Variants in PIK3CG observed in about 807,000 individuals in gnomAD.
The protein encoded by PIK3CG is phosphatidylinositol-4,5-bisphosphate 3-kinase catalytic subunit gamma.
Under a neutral mutation model 102.3 loss-of-function variants are expected in PIK3CG, and 55 were observed. The ratio of observed to expected loss-of-function variants is 0.54; its 90% CI spans 0.43 to 0.67. The LOEUF (loss-of-function observed/expected upper bound fraction) is 0.67, where lower values mean the gene tolerates loss of function less well. Among genes scored for constraint, PIK3CG ranks in the 30% least tolerant of loss-of-function variants. PIK3CG has a pLI of 0.00. For missense variants in PIK3CG, 1,258 were observed against 1,391.8 expected (o/e 0.90, Z 1.53); for synonymous variants, 552 against 540.0 (o/e 1.02, Z -0.31).
intron 10 of PIK3CG, among the ~76,000 whole-genome samples, chr7:106,896,779 T>C (rs1791420845): frequency 6.6e-6 from 1 of 152,160 alleles, no homozygotes; most frequent in South Asian, 2.1e-4. Flanking sequence ...GCCTCCATGC[T>C]GGGCGCTTTA....
At position 106,883,674 on chromosome 7, in the gene PIK3CG, G is replaced by A. The variant is rs940854165; in HGVS notation, c.2761-481G>A. Among the ~76,000 whole-genome samples the A allele has an allele frequency of 7.2e-5, 11 of 152,282 alleles. No individual in the cohort carries two copies. Among genetic ancestry groups the A allele is most frequent in the South Asian group, 4.1e-4 (2 of 4,828 alleles). ...GCTGTGTTTTAGCTGTTTGGCTGTC[G>A]TTTAAAGTTCTGCTGCACAGGATTA... On this transcript the variant is annotated intron_variant, in intron 8 of 10. Coordinates refer to ENST00000496166, the MANE Select transcript of PIK3CG (RefSeq NM_001282426.2). The surrounding 1 kb of genome is among the most constrained non-coding windows in gnomAD (Gnocchi z 5.8).
rs747362889 is a variant in PIK3CG, at chr7:106,872,662, GA to G, written c.2062-50del. 6.3e-7 allele frequency: 1 copy of G among 1,589,770 alleles called. No homozygotes were observed. Among genetic ancestry groups the G allele is most frequent in the South Asian group, 1.1e-5 (1 of 90,610 alleles). The stretch of plus-strand genomic sequence containing the variant: ...TTAAGTTGCCAAGAATTAACTGGTA[GA>G]CCTAAAGCATTAGTCATAATAATTT... On this transcript the variant is annotated intron_variant, in intron 3 of 10. Coordinates refer to ENST00000496166, the MANE Select transcript of PIK3CG (RefSeq NM_001282426.2). This position sits in a 1 kb window ranked among gnomAD's most constrained non-coding sequence, Gnocchi z 5.3.
chr7:106,905,163 A>G lies in PIK3CG; in HGVS notation c.3085A>G (p.Ile1029Val), dbSNP rs754657817. Reference sequence around the variant, plus strand: ...TCGTCATCACACAAACCTACTGATCATCCTGTTCTCCATGATGCTGATGAC... The same window carrying G: ...TCGTCATCACACAAACCTACTGATCGTCCTGTTCTCCATGATGCTGATGAC... ...ALRHHTNLLI[I>V]LFSMMLMTGM... Residue 1029 changes from isoleucine to valine, a missense_variant, in exon 11 of 11, where the codon ATC becomes GTC. Coordinates refer to ENST00000496166, the MANE Select transcript of PIK3CG (RefSeq NM_001282426.2). The surrounding 1 kb of genome is among the most constrained non-coding windows in gnomAD (Gnocchi z 5.6). 2.5e-6 allele frequency: 4 copies of G among 1,613,910 alleles called. No homozygotes were observed. In the African/African-American group the frequency reaches 4.0e-5, roughly 16 times the overall value.
intron 10 of PIK3CG, among the ~76,000 whole-genome samples, chr7:106,900,738 G>T (rs1791526771): frequency 6.6e-6 from 1 of 152,190 alleles, no homozygotes; most frequent in Admixed American, 6.5e-5. Flanking sequence ...AAGGTCTCTT[G>T]TAAGGCAGGT....
Position 106,868,561 on chromosome 7 carries a change from G to A in PIK3CG, c.1000G>A (p.Gly334Ser), listed in dbSNP as rs201525740. 1.7e-5 allele frequency: 28 copies of A among 1,613,966 alleles called. No individual in the cohort carries two copies. Among genetic ancestry groups the A allele is most frequent in the Admixed American group, 6.7e-5 (4 of 60,014 alleles). The change falls in exon 2 of 11, where the codon GGC (glycine) becomes AGC (serine). Residue 334 changes from glycine to serine, a missense_variant. By Grantham distance (56) the Gly-to-Ser change is moderately conservative (BLOSUM62 0). Coordinates refer to ENST00000496166, the MANE Select transcript of PIK3CG (RefSeq NM_001282426.2). This position sits in a 1 kb window ranked among gnomAD's most constrained non-coding sequence, Gnocchi z 6.2. ...PLVDDCTGVT[G>S]YHEQLTIHGK... The stretch of plus-strand genomic sequence containing the variant: ...GGTGGATGACTGCACGGGAGTCACC[G>A]GCTACCATGAGCAGCTTACCATCCA...
chr7:106,901,197 C>T (rs745599203), intron 10 of PIK3CG, among the ~76,000 whole-genome samples: 13 of 151,040 alleles, frequency 8.6e-5, no homozygotes, highest in South Asian at 2.1e-4. Flanking sequence ...GCCAGTGATT[C>T]GTAGATTTGG....
In PIK3CG at chr7:106,894,252, A is replaced by G. The variant is rs1791344604; in HGVS notation, c.3030+7960A>G. Among the ~76,000 whole-genome samples the G allele has an allele frequency of 2.0e-5, 3 of 152,142 alleles. No homozygotes were observed. The highest frequency in any genetic ancestry group is 7.2e-5 in the African/African-American group (3 of 41,432). On this transcript the variant is annotated intron_variant, in intron 10 of 10. Coordinates refer to ENST00000496166, the MANE Select transcript of PIK3CG (RefSeq NM_001282426.2). This position sits in a 1 kb window ranked among gnomAD's most constrained non-coding sequence, Gnocchi z 4.4. ...CAAGGCTGAAGGATAAATCACACACACACACACAGACACACACACACACCC... is the reference window on the plus strand; with the variant it reads ...CAAGGCTGAAGGATAAATCACACACGCACACACAGACACACACACACACCC...
chr7:106,905,393 T>G lies in PIK3CG; in HGVS notation c.*6T>G, dbSNP rs190257233. On this transcript the variant is annotated 3_prime_UTR_variant, in exon 11 of 11. Transcript: ENST00000496166. The surrounding 1 kb of genome is among the most constrained non-coding windows in gnomAD (Gnocchi z 5.6). ...GAGAGAAACATTCAGCCTAATACTT[T>G]AGGCTAGAATCAAAAACAAGTTAGT... 5 of 1,605,232 alleles carry G rather than the reference T, an allele frequency of 3.1e-6. No individual in the cohort carries two copies. In the South Asian group the frequency reaches 5.6e-5, roughly 18 times the overall value.
At position 106,867,497 on chromosome 7, in the gene PIK3CG, A is replaced by G. The variant is rs2116414292; in HGVS notation, c.-12-53A>G. 1 of 1,472,446 alleles carries G rather than the reference A, an allele frequency of 6.8e-7. No individual in the cohort carries two copies. Among genetic ancestry groups the G allele is most frequent in the Non-Finnish European group, 9.1e-7 (1 of 1,095,352 alleles). The allele number at this position is 1,472,446 out of a possible 1,614,324, so 91.2% of individuals were successfully genotyped here. On this transcript the variant is annotated intron_variant, in intron 1 of 10. Transcript: ENST00000496166. This position sits in a 1 kb window ranked among gnomAD's most constrained non-coding sequence, Gnocchi z 5.1. ...CTCTTCCCTCATCTCACCAGAAAAT[A>G]TAAGGGGAAAGTGCCTTTCTTGTGA... is the stretch of plus-strand genomic sequence containing the variant.
At position 106,881,415 on chromosome 7, in the gene PIK3CG, CATT is replaced by C. The variant is rs556899436; in HGVS notation, c.2539-701_2539-699del. Reference sequence around the variant, plus strand: ...AGTATATATTCGCTATCATTATCATCATTGTAGTTACTGCTGCTTTGGTTATTG... The same window carrying C: ...AGTATATATTCGCTATCATTATCATCGTAGTTACTGCTGCTTTGGTTATTG... On this transcript the variant is annotated intron_variant, in intron 6 of 10. Coordinates refer to ENST00000496166, the MANE Select transcript of PIK3CG (RefSeq NM_001282426.2). Among the ~76,000 whole-genome samples the C allele has an allele frequency of 5.3e-5, 8 of 152,320 alleles. No homozygotes were observed. In the South Asian group the frequency reaches 1.7e-3, roughly 32 times the overall value.
In PIK3CG at chr7:106,869,896, T is replaced by C. The variant is rs1310395144; in HGVS notation, c.1995+340T>C. The stretch of plus-strand genomic sequence containing the variant: ...AAGGCTCCAAGTGACTGACATGCTT[T>C]CAGTGTATTATCTCATTTAACTCTT... On this transcript the variant is annotated intron_variant, in intron 2 of 10. Transcript: ENST00000496166. The surrounding 1 kb of genome is among the most constrained non-coding windows in gnomAD (Gnocchi z 5.3). Among the ~76,000 whole-genome samples the C allele has an allele frequency of 6.6e-6, 1 of 152,366 alleles. No homozygotes were observed. The highest frequency in any genetic ancestry group is 1.9e-4 in the East Asian group (1 of 5,188).
chr7:106,871,196 T>C (rs1327829007), intron 2 of PIK3CG, among the ~76,000 whole-genome samples: 3 of 152,214 alleles, frequency 2.0e-5, no homozygotes, highest in Non-Finnish European at 2.9e-5. Context: ...TCATTCCTGA[T>C]CAAAATGGTC....
At position 106,872,813 on chromosome 7, in the gene PIK3CG, T is replaced by A. The variant is rs1790581904; in HGVS notation, c.2162T>A (p.Leu721Gln). The change falls in exon 4 of 11, where the codon CTG becomes CAG. Residue 721 changes from leucine to glutamine, a missense_variant. By Grantham distance (113) the Leu-to-Gln change is moderately radical (BLOSUM62 -2). This residue lies in a region of PIK3CG where 426 missense variants were observed against 604.2 expected (regional missense o/e 0.71). Coordinates refer to ENST00000496166, the MANE Select transcript of PIK3CG (RefSeq NM_001282426.2). The surrounding 1 kb of genome is among the most constrained non-coding windows in gnomAD (Gnocchi z 5.3). ...TTCGCTGTGATTCTGGAAGCCTATC[T>A]GAGGGGCTGTGGCACAGCCATGCTG... is the stretch of plus-strand genomic sequence containing the variant. ...QRFAVILEAY[L>Q]RGCGTAMLHD... The A allele has an allele frequency of 6.2e-7, 1 of 1,613,994 alleles. No homozygotes were observed. The highest frequency in any genetic ancestry group is 1.7e-5 in the Admixed American group (1 of 60,002).
rs1791715263 is a variant in PIK3CG, at chr7:106,907,456, T to G, written c.*2069T>G. Among the ~76,000 whole-genome samples, 1 of 152,120 alleles carries G rather than the reference T, an allele frequency of 6.6e-6. No homozygotes were observed. Among genetic ancestry groups the G allele is most frequent in the Admixed American group, 6.6e-5 (1 of 15,260 alleles). On this transcript the variant is annotated 3_prime_UTR_variant, in exon 11 of 11. Coordinates refer to ENST00000496166, the MANE Select transcript of PIK3CG (RefSeq NM_001282426.2). ...CCTATCTATAAATGGAGGATAAACA[T>G]TTTGTGGCACTTCTGGACCAACTAT...
rs1224248474 is a variant in PIK3CG, at chr7:106,894,884, G to T, written c.3030+8592G>T. 6.6e-6 allele frequency among the ~76,000 whole-genome samples: 1 copy of T among 152,200 alleles called. No individual in the cohort carries two copies. Among genetic ancestry groups the T allele is most frequent in the African/African-American group, 2.4e-5 (1 of 41,448 alleles). The stretch of plus-strand genomic sequence containing the variant: ...TCAGTTTAGTGAACTGATAGTTGGG[G>T]CAGTTAGCAAATCAAGTAAAAGTTT... On this transcript the variant is annotated intron_variant, in intron 10 of 10. Coordinates refer to ENST00000496166, the MANE Select transcript of PIK3CG (RefSeq NM_001282426.2). The surrounding 1 kb of genome is among the most constrained non-coding windows in gnomAD (Gnocchi z 4.4).
Position 106,902,467 on chromosome 7 carries a change from C to T in PIK3CG, c.3031-2642C>T, listed in dbSNP as rs946478871. On this transcript the variant is annotated intron_variant, in intron 10 of 10. Coordinates refer to ENST00000496166, the MANE Select transcript of PIK3CG (RefSeq NM_001282426.2). The surrounding 1 kb of genome is among the most constrained non-coding windows in gnomAD (Gnocchi z 4.3). Reference sequence around the variant, plus strand: ...CTTTTGATGCATGTTAATCAAATTACCTGCTGGTAACATTATATGTATTCC... The same window carrying T: ...CTTTTGATGCATGTTAATCAAATTATCTGCTGGTAACATTATATGTATTCC... 6.6e-6 allele frequency among the ~76,000 whole-genome samples: 1 copy of T among 151,746 alleles called. No individual in the cohort carries two copies. The highest frequency in any genetic ancestry group is 2.1e-4 in the South Asian group (1 of 4,820).
chr7:106,870,941 G>A (rs747139821), intron 2 of PIK3CG, among the ~76,000 whole-genome samples: 70 of 151,986 alleles, frequency 4.6e-4, no homozygotes, highest in Non-Finnish European at 8.1e-4. Context: ...CTCCATAACA[G>A]AAACAACATG....
chr7:106,886,067 CAAAG>C (rs1391424546), intron 9 of PIK3CG, 64 bp from the exon 10 acceptor site: 2 of 1,402,570 alleles, frequency 1.4e-6, no homozygotes, highest in African/African-American at 1.4e-5. Flanking sequence ...TTAGGCAACT[CAAAG>C]AAATATTTTA....
rs557029894 is a variant in PIK3CG, at chr7:106,894,077, C to G, written c.3030+7785C>G. On this transcript the variant is annotated intron_variant, in intron 10 of 10. Coordinates refer to ENST00000496166, the MANE Select transcript of PIK3CG (RefSeq NM_001282426.2). This position sits in a 1 kb window ranked among gnomAD's most constrained non-coding sequence, Gnocchi z 4.4. ...CAAAACATTGTTATGCAGTACATGA[C>G]TGTATATAGGACTTGTGATGTACAG... Among the ~76,000 whole-genome samples, 17 of 152,316 alleles carry G rather than the reference C, an allele frequency of 1.1e-4. No homozygotes were observed. The South Asian group carries it at 3.5e-3, about 32-fold the overall frequency.
Sources: gnomAD v4.1 joint callset for allele counts (sites outside exome capture counted in the v4.1 genomes callset) on GRCh38, gnomAD v4.1.1 for gene constraint, gnomAD v4.1.1 regional missense constraint, Gnocchi (gnomAD v3.1) non-coding constraint, MANE v1.5 for transcripts, NCBI Gene and HGNC (gene_info 2026-07-23, HGNC 2026-07-21) for gene names.